The following DUSP8 variants were observed in gnomAD, a reference collection of about 807,000 sequenced individuals.
DUSP8 encodes dual specificity protein phosphatase 8.
Under a neutral mutation model 38.7 loss-of-function variants are expected in DUSP8, and 15 were observed. That is an observed-to-expected ratio of 0.39 (90% CI 0.26 to 0.60). The LOEUF (loss-of-function observed/expected upper bound fraction) is 0.60. Ranked by LOEUF, DUSP8 falls within the 20% of genes least tolerant of loss-of-function variation. The pLI, the probability that DUSP8 is intolerant of heterozygous loss-of-function variation, is 0.56. For synonymous variants in DUSP8, 458 were observed against 433.9 expected (o/e 1.06, Z -0.69); for missense variants, 768 against 915.0 (o/e 0.84, Z 2.07).
In DUSP8 at chr11:1,557,248, C is replaced by T. The variant is rs1255114525; in HGVS notation, c.1148G>A (p.Arg383His). ...GLRGLHLSSD[R>H]LQDTNRLKRS... ...CTTGAGGCGGTTAGTGTCCTGCAGG[C>T]GGTCCGAGGAGAGGTGCAGGCCGCG... Residue 383 changes from arginine (R) to histidine (H), a missense_variant, in exon 7 of 7, where the codon CGC becomes CAC. By Grantham distance (29) the Arg-to-His change is conservative. This residue lies in a region of DUSP8 where 474 missense variants were observed against 430.8 expected (regional missense o/e 1.10). Transcript: ENST00000397374. The surrounding 1 kb of genome is among the most constrained non-coding windows in gnomAD (Gnocchi z 9.9). The T allele has an allele frequency of 6.7e-6, 10 of 1,493,698 alleles. No individual in the cohort carries two copies. In the Admixed American group the frequency reaches 9.1e-5, roughly 14 times the overall value. 92.5% of individuals were successfully genotyped at this position (1,493,698 alleles called of 1,614,324 possible).
chr11:1,567,592 G>A (rs1039080013), intron 1 of DUSP8, among the ~76,000 whole-genome samples: 5 of 152,210 alleles, frequency 3.3e-5, no homozygotes, highest in Admixed American at 1.3e-4. Flanking sequence ...CTCCCGCCTC[G>A]ACTGGGCCCA....
chr11:1,568,813 T>C (rs1173141159), intron 1 of DUSP8, among the ~76,000 whole-genome samples: 1 of 152,128 alleles, frequency 6.6e-6, no homozygotes, highest in Non-Finnish European at 1.5e-5. Flanking sequence ...GCTGGCCGAG[T>C]GCCCCCTCCT....
Position 1,565,688 on chromosome 11 carries a change from C to T in DUSP8, c.139G>A (p.Val47Ile), listed in dbSNP as rs754196818. The T allele has an allele frequency of 4.3e-5, 69 of 1,611,828 alleles. No individual in the cohort carries two copies. Among genetic ancestry groups the T allele is most frequent in the Middle Eastern group, 3.4e-4 (2 of 5,820 alleles). Residue 47 changes from valine (V) to isoleucine (I), a missense_variant, in exon 2 of 7, where the codon GTC (valine) becomes ATC (isoleucine). By Grantham distance (29) the Val-to-Ile change is conservative. Around this residue, in one of 3 missense-constraint regions of DUSP8, gnomAD observed 252 missense variants for 410.4 expected, o/e 0.61. Transcript: ENST00000397374. The stretch of plus-strand genomic sequence containing the variant: ...ACCAGCTTGGAGCAGCAGATGTTGA[C>T]GGAGCTGAGCACATGCCAGCTGTTG... ...EYNSWHVLSSVNICCSKLVKR... is the reference protein window; with the variant it reads ...EYNSWHVLSSINICCSKLVKR...
At chr11:1,571,808 A>G (rs1848903707) in intron 1 of DUSP8, 93 bp downstream of exon 1, 1 of 148,724 alleles carries the variant, frequency 6.7e-6, no homozygotes, top group East Asian at 2.0e-4. Context: ...CCGCTGCCCC[A>G]GCGCCCCCGA....
Position 1,556,835 on chromosome 11 carries a change from CGGGCG to C in DUSP8, c.1556_1560del (p.Ser519Ter). 1 of 1,149,972 alleles carries C rather than the reference CGGGCG, an allele frequency of 8.7e-7. No homozygotes were observed. Among genetic ancestry groups the C allele is most frequent in the Non-Finnish European group, 1.1e-6 (1 of 935,720 alleles). 71.2% of individuals were successfully genotyped at this position (1,149,972 alleles called of 1,614,324 possible). On this transcript the variant is annotated frameshift_variant, in exon 7 of 7. Transcript: ENST00000397374. LOFTEE classifies it high-confidence loss of function. The surrounding 1 kb of genome is among the most constrained non-coding windows in gnomAD (Gnocchi z 5.2). ...TCGGGGCTGAAGCACCAGGGCCCGTCGGGCGACGGCGTGCCTGGGGAGTCGAGCGG... is the reference window on the plus strand; with the variant it reads ...TCGGGGCTGAAGCACCAGGGCCCGTCACGGCGTGCCTGGGGAGTCGAGCGG...
rs950212494 is a variant in DUSP8, at chr11:1,558,492, G to A, written c.538-221C>T. 1.3e-5 allele frequency among the ~76,000 whole-genome samples: 2 copies of A among 152,110 alleles called. No homozygotes were observed. The highest frequency in any genetic ancestry group is 4.8e-5 in the African/African-American group (2 of 41,440). On this transcript the variant is annotated intron_variant, in intron 4 of 6. Transcript: ENST00000397374. The surrounding 1 kb of genome is among the most constrained non-coding windows in gnomAD (Gnocchi z 6.3). Reference sequence around the variant, plus strand: ...GGGGGGTGGGGCACGGCTGGCCTCCGACTGCAGGCCCCACCCACGGCTGGT... The same window carrying A: ...GGGGGGTGGGGCACGGCTGGCCTCCAACTGCAGGCCCCACCCACGGCTGGT...
rs574175600 is a variant in DUSP8, at chr11:1,569,044, G to A, written c.-109+2857C>T. 5.9e-5 allele frequency among the ~76,000 whole-genome samples: 9 copies of A among 152,326 alleles called. No individual in the cohort carries two copies. The East Asian group carries it at 1.7e-3, about 29-fold the overall frequency. On this transcript the variant is annotated intron_variant, in intron 1 of 6. Coordinates refer to ENST00000397374, the MANE Select transcript of DUSP8 (RefSeq NM_004420.3). ...GATCAGTGGGGCCAGCACTGGCCAT[G>A]TGGGAACAGAGGTAAGGAAATGTGG...
Position 1,556,779 on chromosome 11 carries a change from A to G in DUSP8, c.1617T>C (p.Phe539=). 1 of 1,188,438 alleles carries G rather than the reference A, an allele frequency of 8.4e-7. No homozygotes were observed. The highest frequency in any genetic ancestry group is 3.6e-5 in the East Asian group (1 of 27,496). 73.6% of individuals were successfully genotyped at this position (1,188,438 alleles called of 1,614,324 possible). ...GGGCGCCCGCCCGGCCGAAGGGCGC[A>G]AACAGCACCCCGCCCGCCCCCTGTG... The part of the protein sequence containing the change: ...EGAQGAGGVL[F]APFGRAGAPG... The change falls in exon 7 of 7, where the codon TTT becomes TTC. Residue 539 remains phenylalanine (F), a synonymous_variant. Transcript: ENST00000397374. This position sits in a 1 kb window ranked among gnomAD's most constrained non-coding sequence, Gnocchi z 5.2.
chr11:1,560,473 C>G (rs1848699366), intron 3 of DUSP8, among the ~76,000 whole-genome samples: 2 of 152,204 alleles, frequency 1.3e-5, no homozygotes, highest in Non-Finnish European at 1.5e-5. Context: ...GCTGTGCCAG[C>G]TCCCCGTGTC....
rs978072469 is a variant in DUSP8 at position 1,564,425 on chromosome 11, GCTAA to G, written c.232-440_232-437del. Reference sequence around the variant, plus strand: ...CCTTCGGGTGTGGGCTCTCAGTGGGGCTAACTGTGTAGCCAGCAATTCTGCTCCC... The same window carrying G: ...CCTTCGGGTGTGGGCTCTCAGTGGGGCTGTGTAGCCAGCAATTCTGCTCCC... On this transcript the variant is annotated intron_variant, in intron 2 of 6. Coordinates refer to ENST00000397374, the MANE Select transcript of DUSP8 (RefSeq NM_004420.3). Among the ~76,000 whole-genome samples the G allele has an allele frequency of 1.1e-4, 16 of 152,310 alleles. 2 individuals carry two copies. Among genetic ancestry groups the G allele is most frequent in the Admixed American group, 2.6e-4 (4 of 15,308 alleles).
In DUSP8 at chr11:1,572,176, C is replaced by CGGCTCGGGCTCGGGCTCG. The variant is rs933678425; in HGVS notation, c.-402_-385dup. ...CGGGCGCGGCCGGGAGGTTCCGGCG[C>CGGCTCGGGCTCGGGCTCG]GGCTCGGGCTCGGGCTCGGGCTCGG... On this transcript the variant is annotated 5_prime_UTR_variant, in exon 1 of 7. Transcript: ENST00000397374. The surrounding 1 kb of genome is among the most constrained non-coding windows in gnomAD (Gnocchi z 4.7). Among the ~76,000 whole-genome samples the CGGCTCGGGCTCGGGCTCG allele has an allele frequency of 6.9e-6, 1 of 145,212 alleles. No homozygotes were observed. Among genetic ancestry groups the CGGCTCGGGCTCGGGCTCG allele is most frequent in the South Asian group, 2.1e-4 (1 of 4,752 alleles).
At chr11:1,571,689 C>T (rs905171408) in intron 1 of DUSP8, 8 of 151,688 alleles carry the variant, frequency 5.3e-5, no homozygotes, top group African/African-American at 1.9e-4. Context: ...GGCCCGGGTC[C>T]GCCGGGCGTT....
chr11:1,567,259 G>T (rs368490534), intron 1 of DUSP8, among the ~76,000 whole-genome samples: 1 of 152,168 alleles, frequency 6.6e-6, no homozygotes, highest in Non-Finnish European at 1.5e-5. Flanking sequence ...GGTGGGTAGC[G>T]GGCCCTCAGC....
chr11:1,571,404 G>A (rs775749042), intron 1 of DUSP8: 2 of 152,296 alleles, frequency 1.3e-5, no homozygotes, highest in South Asian at 2.1e-4. Flanking sequence ...CCCCCGACAG[G>A]GGAAGGCCCC....
In DUSP8 at chr11:1,557,769, A is replaced by G; in HGVS notation, c.821+25T>C. 6.2e-7 allele frequency: 1 copy of G among 1,611,950 alleles called. No homozygotes were observed. Among genetic ancestry groups the G allele is most frequent in the Non-Finnish European group, 8.5e-7 (1 of 1,179,778 alleles). The stretch of plus-strand genomic sequence containing the variant: ...AAGGGAAGCGACGCTGTGAGCCACA[A>G]GTGCGCGACTGGGGAAGGTGGTACC... On this transcript the variant is annotated intron_variant, in intron 6 of 6. Coordinates refer to ENST00000397374, the MANE Select transcript of DUSP8 (RefSeq NM_004420.3). This position sits in a 1 kb window ranked among gnomAD's most constrained non-coding sequence, Gnocchi z 9.9.
chr11:1,565,767 C>T lies in DUSP8; in HGVS notation c.60G>A (p.Leu20=). Residue 20 remains leucine, a synonymous_variant, in exon 2 of 7, where the codon CTG becomes CTA. Transcript: ENST00000397374. ...CCAGCGGCCCCCCAGGCCCGCCCCG[C>T]AGCAGGCTGGCCAGCTTCTTGGCAT... is the stretch of plus-strand genomic sequence containing the variant. The part of the protein sequence containing the change: ...VMDAKKLASL[L]RGGPGGPLVI... The T allele has an allele frequency of 6.2e-7, 1 of 1,611,400 alleles. No homozygotes were observed. The highest frequency in any genetic ancestry group is 8.5e-7 in the Non-Finnish European group (1 of 1,179,432).
In DUSP8 at chr11:1,554,856, A is replaced by G; in HGVS notation, c.*1662T>C. The G allele has an allele frequency of 1.3e-6, 1 of 798,884 alleles. No homozygotes were observed. Among genetic ancestry groups the G allele is most frequent in the Non-Finnish European group, 1.5e-6 (1 of 659,292 alleles). The allele number at this position is 798,884 out of a possible 1,614,324, so 49.5% of individuals were successfully genotyped here. ...CCTCTAATCCATAGATTGCAAATACAACGATAGCTTATTTTCTTGGGGGAA... is the reference window on the plus strand; with the variant it reads ...CCTCTAATCCATAGATTGCAAATACGACGATAGCTTATTTTCTTGGGGGAA... On this transcript the variant is annotated 3_prime_UTR_variant, in exon 7 of 7. Transcript: ENST00000397374.
rs368306336 is a variant in DUSP8, at chr11:1,558,632, C to G, written c.537+257G>C. The stretch of plus-strand genomic sequence containing the variant: ...AGCTGGCCAGAGGCCCAGTGACATC[C>G]GCAGCTTGGCATGCCAGCTCCCCGC... On this transcript the variant is annotated intron_variant, in intron 4 of 6. Coordinates refer to ENST00000397374, the MANE Select transcript of DUSP8 (RefSeq NM_004420.3). This position sits in a 1 kb window ranked among gnomAD's most constrained non-coding sequence, Gnocchi z 6.3. Among the ~76,000 whole-genome samples the G allele has an allele frequency of 6.8e-4, 104 of 152,298 alleles. No homozygotes were observed. Among genetic ancestry groups the G allele is most frequent in the African/African-American group, 2.3e-3 (95 of 41,574 alleles).
intron 3 of DUSP8, among the ~76,000 whole-genome samples, chr11:1,559,771 G>A (rs374815598): frequency 6.6e-6 from 1 of 152,180 alleles, no homozygotes; most frequent in Admixed American, 6.5e-5. Flanking sequence ...CGCTGCACAC[G>A]TGACCAGCGT....
Sources: gnomAD v4.1 joint callset for allele counts (sites outside exome capture counted in the v4.1 genomes callset) on GRCh38, gnomAD v4.1.1 for gene constraint, gnomAD v4.1.1 regional missense constraint, Gnocchi (gnomAD v3.1) non-coding constraint, MANE v1.5 for transcripts, NCBI Gene and HGNC (gene_info 2026-07-23, HGNC 2026-07-21) for gene names.